The following SLC49A4 variants were observed in gnomAD, a reference collection of about 807,000 sequenced individuals.
SLC49A4 encodes the protein solute carrier family 49 member 4, also known as disrupted in renal cancer protein 2.
A neutral mutation model predicts 50.6 loss-of-function variants in SLC49A4; 36 were observed. The ratio of observed to expected loss-of-function variants is 0.71; its 90% confidence interval spans 0.55 to 0.94. The LOEUF (loss-of-function observed/expected upper bound fraction) is 0.94. Ranked by LOEUF, SLC49A4 falls within the 40% of genes least tolerant of loss-of-function variation. SLC49A4 has a pLI of 0.00. For synonymous variants in SLC49A4, 248 were observed against 241.2 expected (o/e 1.03, Z -0.26); for missense variants, 503 against 605.7 (o/e 0.83, Z 1.78).
At chr3:122,869,212 A>C (rs771653707) in intron 7 of SLC49A4, among the ~76,000 whole-genome samples, 22 of 144,980 alleles carry the variant, frequency 1.5e-4, no homozygotes, top group Admixed American at 3.0e-4. Flanking sequence ...AAAAGTCTCT[A>C]CTCTCCTGTG....
intron 2 of SLC49A4, among the ~76,000 whole-genome samples, chr3:122,822,638 T>C (rs1160893054): frequency 1.3e-5 from 2 of 152,234 alleles, no homozygotes; most frequent in Non-Finnish European, 2.9e-5. Flanking sequence ...CTTGCTCTTA[T>C]GTTCTTGGAA....
chr3:122,874,324 G>T (rs181359249), intron 8 of SLC49A4, among the ~76,000 whole-genome samples: 1 of 152,176 alleles, frequency 6.6e-6, no homozygotes, highest in Non-Finnish European at 1.5e-5. Flanking sequence ...AAATGGAACC[G>T]ACGTCAGTCA....
intron 7 of SLC49A4, among the ~76,000 whole-genome samples, chr3:122,870,461 G>A (rs950667167): frequency 1.3e-5 from 2 of 151,588 alleles, no homozygotes; most frequent in Non-Finnish European, 2.9e-5. Flanking sequence ...AAGCAGCCCT[G>A]CCTCAGCCTC....
chr3:122,824,334 G>A (rs530415056), intron 2 of SLC49A4, among the ~76,000 whole-genome samples: 143 of 152,180 alleles, frequency 9.4e-4, no homozygotes, highest in African/African-American at 3.3e-3. Context: ...ACTTTAACAC[G>A]TACTGTATCG....
At chr3:122,824,908 T>C (rs1286178481) in intron 2 of SLC49A4, among the ~76,000 whole-genome samples, 7 of 151,766 alleles carry the variant, frequency 4.6e-5, no homozygotes, top group Non-Finnish European at 1.0e-4. Context: ...AATTTTTGTA[T>C]TTTTAGAGGA....
chr3:122,817,880 C>T (rs1272996308), intron 2 of SLC49A4, among the ~76,000 whole-genome samples: 2 of 151,246 alleles, frequency 1.3e-5, no homozygotes, highest in African/African-American at 2.4e-5. Flanking sequence ...CAGGTGTGCA[C>T]CACCTTGCCC....
At position 122,826,972 on chromosome 3, in the gene SLC49A4, G is replaced by A. The variant is rs1342215870; in HGVS notation, c.610G>A (p.Val204Ile). ...ATGTGCATTTTTAGTTGGACCACTT[G>A]TTGTTCCAGCTCCCAATGGGACATC... is the stretch of plus-strand genomic sequence containing the variant. ...GACAFLVGPL[V>I]VPAPNGTSPL... is the part of the protein sequence containing the mutation. The change falls in exon 3 of 9, where the codon GTT (valine) becomes ATT (isoleucine). Residue 204 changes from valine (V) to isoleucine (I), a missense_variant. Val to Ile is a conservative substitution (Grantham distance 29, BLOSUM62 3). Coordinates refer to ENST00000261038, the MANE Select transcript of SLC49A4 (RefSeq NM_032839.3). 1.2e-6 allele frequency: 2 copies of A among 1,614,058 alleles called. No individual in the cohort carries two copies. The highest frequency in any genetic ancestry group is 1.7e-6 in the Non-Finnish European group (2 of 1,180,014).
intron 5 of SLC49A4, among the ~76,000 whole-genome samples, chr3:122,855,939 A>G (rs1410404599): frequency 6.6e-6 from 1 of 152,082 alleles, no homozygotes; most frequent in African/African-American, 2.4e-5. Context: ...ATACATTTTT[A>G]GTTGTTGCCC....
chr3:122,797,322 G>A (rs931696752), intron 1 of SLC49A4, among the ~76,000 whole-genome samples: 1 of 152,162 alleles, frequency 6.6e-6, no homozygotes, highest in Non-Finnish European at 1.5e-5. Flanking sequence ...ATGATAAAGG[G>A]TATAAAAATC....
Position 122,795,524 on chromosome 3 carries a change from T to C in SLC49A4, c.332T>C (p.Leu111Pro). Residue 111 changes from leucine (L) to proline (P), a missense_variant, in exon 1 of 9, where the codon CTG (leucine) becomes CCG (proline). By Grantham distance (98) the Leu-to-Pro change is moderately conservative. Coordinates refer to ENST00000261038, the MANE Select transcript of SLC49A4 (RefSeq NM_032839.3). ...CCCTGCTTCGCGTTCATGTGGCTCC[T>C]GGACAAGAGAGGTGAGGGGTCGCGG... ...FLPCFAFMWL[L>P]DKRGLRITVL... 3 of 1,597,968 alleles carry C rather than the reference T, an allele frequency of 1.9e-6. No individual in the cohort carries two copies. The highest frequency in any genetic ancestry group is 2.5e-6 in the Non-Finnish European group (3 of 1,177,486).
chr3:122,845,430 C>T (rs747313565), intron 4 of SLC49A4, among the ~76,000 whole-genome samples: 4 of 152,052 alleles, frequency 2.6e-5, no homozygotes, highest in Non-Finnish European at 2.9e-5. Context: ...TGAATACACT[C>T]GTGCATGTGT....
intron 8 of SLC49A4, among the ~76,000 whole-genome samples, chr3:122,877,512 T>C (rs549594115): frequency 1.3e-5 from 2 of 152,362 alleles, no homozygotes; most frequent in African/African-American, 4.8e-5. Context: ...TTGAAATGTT[T>C]CTCAGTTTAA....
chr3:122,870,568 G>A (rs886538293), intron 7 of SLC49A4, among the ~76,000 whole-genome samples: 1 of 151,020 alleles, frequency 6.6e-6, no homozygotes, highest in Non-Finnish European at 1.5e-5. Flanking sequence ...CAGCACTTTG[G>A]GGGGCTGAGG....
chr3:122,877,536 A>G (rs923003006), intron 8 of SLC49A4, among the ~76,000 whole-genome samples: 2 of 152,236 alleles, frequency 1.3e-5, no homozygotes, highest in African/African-American at 4.8e-5. Context: ...AAGCAAGGAC[A>G]GGCGGATTGT....
At chr3:122,860,042 C>A in intron 6 of SLC49A4, 33 bp from the exon 7 acceptor site, 1 of 1,558,342 alleles carries the variant, frequency 6.4e-7, no homozygotes, top group Non-Finnish European at 8.7e-7. Context: ...TTTTTAAATC[C>A]CACTAGAATT....
chr3:122,854,714 A>G (rs1936963518), intron 5 of SLC49A4, among the ~76,000 whole-genome samples: 1 of 152,232 alleles, frequency 6.6e-6, no homozygotes, highest in Non-Finnish European at 1.5e-5. Flanking sequence ...AGGAACTGGG[A>G]CATGTCATCT....
In SLC49A4 at chr3:122,795,273, G is replaced by T; in HGVS notation, c.81G>T (p.Trp27Cys). The change falls in exon 1 of 9, where the codon TGG (tryptophan) becomes TGT (cysteine). Residue 27 changes from tryptophan to cysteine, a missense_variant. Trp to Cys is a radical substitution (Grantham distance 215). Coordinates refer to ENST00000261038, the MANE Select transcript of SLC49A4 (RefSeq NM_032839.3). ...TCGGGCCTGGGCTGGGGGCCTCCTGGAGAAGCCGGGAGGCGGCGGCGGCGG... is the reference window on the plus strand; with the variant it reads ...TCGGGCCTGGGCTGGGGGCCTCCTGTAGAAGCCGGGAGGCGGCGGCGGCGG... ...PGLGPGLGAS[W>C]RSREAAAAAL... is the part of the protein sequence containing the mutation. 7.1e-7 allele frequency: 1 copy of T among 1,406,092 alleles called. No individual in the cohort carries two copies. The highest frequency in any genetic ancestry group is 9.1e-7 in the Non-Finnish European group (1 of 1,093,440). 87.1% of individuals were successfully genotyped at this position (1,406,092 alleles called of 1,614,324 possible). A position where few individuals can be genotyped will look rare whatever the true frequency, so the allele number is the denominator to read the frequency against.
At chr3:122,857,019 AATTAATAGCTGTGG>A (rs1179753356) in intron 6 of SLC49A4, among the ~76,000 whole-genome samples, 5 of 152,106 alleles carry the variant, frequency 3.3e-5, no homozygotes, top group African/African-American at 1.2e-4. Flanking sequence ...AATAAAGACA[AATTAATAGCTGTGG>A]AGACTAAAAG....
chr3:122,799,700 T>C (rs1483688135), intron 1 of SLC49A4, among the ~76,000 whole-genome samples: 1 of 152,198 alleles, frequency 6.6e-6, no homozygotes, highest in Non-Finnish European at 1.5e-5. Context: ...GCTAGTAGAA[T>C]AACCCAGATG....
Sources: allele counts gnomAD v4.1 joint callset (sites outside exome capture counted in the v4.1 genomes callset), GRCh38; gene constraint gnomAD v4.1.1; transcripts MANE v1.5; gene names NCBI Gene and HGNC (gene_info 2026-07-23, HGNC 2026-07-21).